PEX7: variants seen among roughly 807,000 people sequenced by gnomAD.
PEX7 encodes PTS2 receptor.
A neutral mutation model predicts 47.5 loss-of-function variants in PEX7; 34 were observed. That is an observed-to-expected ratio of 0.72 (90% CI 0.54 to 0.95). PEX7 has a LOEUF of 0.95. PEX7 is among the 40% of genes least tolerant of loss of function. The probability of loss-of-function intolerance (pLI) is 0.00; values close to 1 mark genes in which losing one functional copy is unlikely to be tolerated. For missense variants in PEX7, 394 were observed against 400.3 expected, an observed-to-expected ratio of 0.98 and a Z score of 0.13; for synonymous variants, 141 against 148.8, an observed-to-expected ratio of 0.95 and a Z score of 0.38.
intron 6 of PEX7, 32 bp downstream of exon 6, chr6:136,866,765 T>A: frequency 6.5e-7 from 1 of 1,534,082 alleles, no homozygotes; most frequent in Non-Finnish European, 9.0e-7. Context: ...TATGCTGCTG[T>A]CCTTCCTAAT....
In PEX7 at chr6:136,822,706, C is replaced by T; in HGVS notation, c.41C>T (p.Thr14Met). Residue 14 changes from threonine to methionine, a missense_variant, in exon 1 of 10, where the codon ACG becomes ATG. Thr to Met is a moderately conservative substitution (Grantham distance 81). Coordinates refer to ENST00000318471, the MANE Select transcript of PEX7 (RefSeq NM_000288.4). ...VCGGAARMLR[T>M]PGRHGYAAEF... is the part of the protein sequence containing the mutation. ...GGTGGAGCGGCGCGGATGCTGCGGA[C>T]GCCGGGACGCCACGGCTACGCCGCC... 1 of 1,517,644 alleles carries T rather than the reference C, an allele frequency of 6.6e-7. No homozygotes were observed. The allele number at this position is 1,517,644 out of a possible 1,614,324, so 94.0% of individuals were successfully genotyped here.
intron 1 of PEX7, 199 bp downstream of exon 1, chr6:136,822,994 G>T (rs1436237293): frequency 1.0e-6 from 1 of 985,362 alleles, no homozygotes; most frequent in African/African-American, 1.7e-5. Context: ...AGCAGGAGTC[G>T]ATCTTCCAGT....
chr6:136,860,891 C>T (rs74345554), intron 5 of PEX7, among the ~76,000 whole-genome samples: 2,393 of 152,262 alleles, frequency 0.016, 72 homozygotes, highest in African/African-American at 0.055. Context: ...AGTCGCTTCT[C>T]ACCACGTCCC....
Position 136,898,238 on chromosome 6 carries a change from T to A in PEX7, c.900T>A (p.Thr300=), listed in dbSNP as rs761824614. 4 of 1,558,102 alleles carry A rather than the reference T, an allele frequency of 2.6e-6. No individual in the cohort carries two copies. The South Asian group carries it at 4.4e-5, about 17-fold the overall frequency. Residue 300 remains threonine (T), a synonymous_variant, in exon 9 of 10, where the codon ACT becomes ACA. Transcript: ENST00000318471. ...TAGACTTCAGTCTTCAGAGCCCCAC[T>A]CAGGTAACGGATACAATCTCATGAT... is the stretch of plus-strand genomic sequence containing the variant. The part of the protein sequence containing the change: ...CGLDFSLQSP[T]QVADCSWDET...
intron 5 of PEX7, among the ~76,000 whole-genome samples, chr6:136,857,130 C>T (rs1025534525): frequency 1.3e-5 from 2 of 152,212 alleles, no homozygotes; most frequent in African/African-American, 4.8e-5. Flanking sequence ...GCAAAACTCT[C>T]ACTGTGCCTT....
At chr6:136,837,361 C>CAAAAAAAAAAAAAAAAAAAAAAA (rs58922622) in intron 3 of PEX7, among the ~76,000 whole-genome samples, 6 of 83,438 alleles carry the variant, frequency 7.2e-5, no homozygotes, top group South Asian at 4.7e-4. Flanking sequence ...GAGTCTGTCA[C>CAAAAAAAAAAAAAAAAAAAAAAA]AAAAAAAAAA....
intron 5 of PEX7, among the ~76,000 whole-genome samples, chr6:136,854,889 C>T (rs575020372): frequency 6.6e-6 from 1 of 152,066 alleles, no homozygotes; most frequent in South Asian, 2.1e-4. Context: ...AGTTTGAGAC[C>T]AGCCTGGCCA....
At chr6:136,837,925 A>G (rs1436127681) in intron 3 of PEX7, among the ~76,000 whole-genome samples, 2 of 152,194 alleles carry the variant, frequency 1.3e-5, no homozygotes, top group African/African-American at 4.8e-5. Flanking sequence ...TTATTAGGAC[A>G]TCCAGCTCAT....
At chr6:136,874,770 A>G (rs1775240877) in intron 8 of PEX7, among the ~76,000 whole-genome samples, 1 of 152,022 alleles carries the variant, frequency 6.6e-6, no homozygotes, top group Non-Finnish European at 1.5e-5. Flanking sequence ...ATCTTTAATA[A>G]GTTCTTTGAA....
intron 3 of PEX7, chr6:136,830,115 G>A (rs1222606571): frequency 1.5e-6 from 1 of 681,586 alleles, no homozygotes; most frequent in African/African-American, 1.8e-5. Context: ...AGTCAATCTT[G>A]GATTTGAATC....
At chr6:136,894,694 CT>C (rs1458446897) in intron 8 of PEX7, among the ~76,000 whole-genome samples, 8 of 152,120 alleles carry the variant, frequency 5.3e-5, no homozygotes, top group African/African-American at 1.9e-4. Context: ...CAAAAAATAA[CT>C]CAACCAAGAC....
At chr6:136,898,070 T>C in intron 8 of PEX7, 72 bp from the exon 9 acceptor site, 1 of 891,022 alleles carries the variant, frequency 1.1e-6, no homozygotes, top group Non-Finnish European at 1.9e-6. Flanking sequence ...ATGTCAAATA[T>C]CTATTTTTTC....
chr6:136,887,856 T>C (rs541163852), intron 8 of PEX7, among the ~76,000 whole-genome samples: 2 of 152,334 alleles, frequency 1.3e-5, no homozygotes, highest in Non-Finnish European at 2.9e-5. Context: ...AGCTTTATTA[T>C]ATTGTGTTAA....
intron 5 of PEX7, among the ~76,000 whole-genome samples, chr6:136,849,950 G>C (rs1405354067): frequency 1.3e-5 from 2 of 152,062 alleles, no homozygotes; most frequent in African/African-American, 2.4e-5. Context: ...GTTGACAGTG[G>C]GGTGTTAAAG....
chr6:136,858,206 C>T (rs1403883510), intron 5 of PEX7, among the ~76,000 whole-genome samples: 2 of 152,194 alleles, frequency 1.3e-5, no homozygotes, highest in African/African-American at 4.8e-5. Context: ...GTTGGCTGGT[C>T]AGGTCACTTC....
intron 8 of PEX7, among the ~76,000 whole-genome samples, chr6:136,880,942 T>C (rs1775366400): frequency 6.6e-6 from 1 of 152,224 alleles, no homozygotes. Flanking sequence ...GTTTGTTTTT[T>C]AGTATTCCAT....
At chr6:136,913,085 C>T (rs917647030) in intron 9 of PEX7, among the ~76,000 whole-genome samples, 1 of 152,168 alleles carries the variant, frequency 6.6e-6, no homozygotes, top group African/African-American at 2.4e-5. Context: ...CTCTCCAGTC[C>T]CACAATATTG....
intron 5 of PEX7, among the ~76,000 whole-genome samples, chr6:136,849,505 C>T (rs1445318220): frequency 7.2e-5 from 11 of 152,082 alleles, no homozygotes; most frequent in Admixed American, 2.6e-4. Context: ...TATGAATTTC[C>T]CTCTACACAC....
chr6:136,850,661 A>G (rs1286479517), intron 5 of PEX7, among the ~76,000 whole-genome samples: 1 of 152,180 alleles, frequency 6.6e-6, no homozygotes, highest in Non-Finnish European at 1.5e-5. Context: ...GATATGATAC[A>G]TGTTTGAAAG....
Sources: gnomAD v4.1 joint callset for allele counts (sites outside exome capture counted in the v4.1 genomes callset) on GRCh38, gnomAD v4.1.1 for gene constraint, MANE v1.5 for transcripts, NCBI Gene and HGNC (gene_info 2026-07-23, HGNC 2026-07-21) for gene names.